The following PTPN22 variants were observed in gnomAD, a reference collection of about 807,000 sequenced individuals.
PTPN22 encodes the protein tyrosine-protein phosphatase non-receptor type 22.
A neutral mutation model predicts 103.3 loss-of-function variants in PTPN22; 85 were observed. The ratio of observed to expected loss-of-function variants is 0.82; its 90% CI spans 0.69 to 0.99. The LOEUF is 0.99. Among genes scored for constraint, PTPN22 ranks in the 50% least tolerant of loss-of-function variants. PTPN22 has a pLI of 0.00. For synonymous variants in PTPN22, 323 were observed against 310.2 expected (o/e 1.04, Z -0.43); for missense variants, 865 against 936.9 (o/e 0.92, Z 1.00).
intron 1 of PTPN22, among the ~76,000 whole-genome samples, chr1:113,860,174 G>A (rs1214202943): frequency 3.9e-5 from 6 of 151,932 alleles, no homozygotes; most frequent in Non-Finnish European, 8.8e-5. Flanking sequence ...GTAGAGAAGG[G>A]ATTTCACCAT....
At chr1:113,837,012 C>T (rs903155993) in intron 13 of PTPN22, among the ~76,000 whole-genome samples, 2 of 152,164 alleles carry the variant, frequency 1.3e-5, no homozygotes, top group African/African-American at 4.8e-5. Flanking sequence ...AGCACTCCTG[C>T]TGGTACAGAT....
Position 113,825,134 on chromosome 1 carries a change from C to A in PTPN22, c.2281+8G>T. 3 of 1,485,704 alleles carry A rather than the reference C, an allele frequency of 2.0e-6. No homozygotes were observed. Among genetic ancestry groups the A allele is most frequent in the Admixed American group, 1.9e-5 (1 of 51,460 alleles). The allele number at this position is 1,485,704 out of a possible 1,614,324, so 92.0% of individuals were successfully genotyped here. On this transcript the variant is annotated splice_region_variant and intron_variant, in intron 19 of 20. Transcript: ENST00000359785. The stretch of plus-strand genomic sequence containing the variant: ...AAACGATATTTTTAAACATAAGTAC[C>A]AACTTACTCTTTTTCATGTTTCGCA...
chr1:113,870,331 C>T (rs1380959815), intron 1 of PTPN22, among the ~76,000 whole-genome samples: 1 of 152,138 alleles, frequency 6.6e-6, no homozygotes, highest in East Asian at 1.9e-4. Flanking sequence ...CAGGTTTGTA[C>T]TTCAGTTCCC....
intron 3 of PTPN22, 88 bp downstream of exon 3, chr1:113,858,914 C>T (rs1396009279): frequency 1.6e-5 from 24 of 1,515,858 alleles, no homozygotes; most frequent in Non-Finnish European, 1.7e-5. Flanking sequence ...GCTGGGATTA[C>T]AGGCATGAGC....
At chr1:113,860,460 T>A (rs1665475486) in intron 1 of PTPN22, among the ~76,000 whole-genome samples, 1 of 152,212 alleles carries the variant, frequency 6.6e-6, no homozygotes, top group Non-Finnish European at 1.5e-5. Flanking sequence ...GAGAGCCTAC[T>A]GTAGTTTGAA....
intron 1 of PTPN22, among the ~76,000 whole-genome samples, chr1:113,861,486 C>T (rs1220556855): frequency 6.6e-6 from 1 of 152,084 alleles, no homozygotes; most frequent in Non-Finnish European, 1.5e-5. Flanking sequence ...GTGATCTGCC[C>T]GCCTTGGCCT....
chr1:113,871,504 A>G, intron 1 of PTPN22, 33 bp downstream of exon 1: 1 of 1,576,850 alleles, frequency 6.3e-7, no homozygotes. Flanking sequence ...TAGTGTATGT[A>G]ACTACCCTGA....
In PTPN22 at chr1:113,837,700, AAC is replaced by A. The variant is rs773363455; in HGVS notation, c.1698_1699del (p.Leu567AlafsTer15). 1.2e-6 allele frequency: 2 copies of A among 1,606,528 alleles called. No homozygotes were observed. Among genetic ancestry groups the A allele is most frequent in the African/African-American group, 2.7e-5 (2 of 74,768 alleles). On this transcript the variant is annotated frameshift_variant, in exon 13 of 21. Transcript: ENST00000359785. LOFTEE classifies it high-confidence loss of function. ...GAAGAGGGATGTAGAGGATGTTGGC[AAC>A]AGAGAAGAAGGAAAAACAGTTCCAT...
At position 113,822,681 on chromosome 1, in the gene PTPN22, G is replaced by C. The variant is rs190596952; in HGVS notation, c.2281+2461C>G. Among the ~76,000 whole-genome samples, 338 of 152,270 alleles carry C rather than the reference G, an allele frequency of 2.2e-3. 12 individuals carry two copies. Among genetic ancestry groups the C allele is most frequent in the Admixed American group, 0.019 (297 of 15,286 alleles). On this transcript the variant is annotated intron_variant, in intron 19 of 20. Transcript: ENST00000359785. ...CACTTCCTTAAAAAGGGTTTCTTGGGCCGGGCACAGTGGCTCACAGCTGTA... is the reference window on the plus strand; with the variant it reads ...CACTTCCTTAAAAAGGGTTTCTTGGCCCGGGCACAGTGGCTCACAGCTGTA...
At chr1:113,819,021 C>T (rs892678241) in intron 20 of PTPN22, among the ~76,000 whole-genome samples, 8 of 152,106 alleles carry the variant, frequency 5.3e-5, no homozygotes, top group African/African-American at 1.9e-4. Flanking sequence ...GCTATTCTTA[C>T]AAAAAATTAT....
chr1:113,829,385 T>G (rs975092261), intron 18 of PTPN22, among the ~76,000 whole-genome samples: 4 of 152,168 alleles, frequency 2.6e-5, no homozygotes, highest in African/African-American at 9.7e-5. Flanking sequence ...AGGTATTTTT[T>G]CTGGTCCTCT....
At chr1:113,825,356 T>G (rs896729218) in intron 18 of PTPN22, among the ~76,000 whole-genome samples, 184 bp from the exon 19 acceptor site, 1 of 152,214 alleles carries the variant, frequency 6.6e-6, no homozygotes, top group Non-Finnish European at 1.5e-5. Context: ...TGATTTTATC[T>G]TGCTATTTAT....
chr1:113,824,030 GT>G (rs1399130749), intron 19 of PTPN22, among the ~76,000 whole-genome samples: 3 of 151,714 alleles, frequency 2.0e-5, no homozygotes, highest in Non-Finnish European at 4.4e-5. Context: ...TATAGTACCA[GT>G]TTAATGTCAA....
intron 7 of PTPN22, 147 bp downstream of exon 7, chr1:113,856,235 A>G (rs2102103290): frequency 1.7e-6 from 2 of 1,198,114 alleles, no homozygotes; most frequent in East Asian, 5.6e-5. Context: ...CCAGGCTCAA[A>G]GTTCTCTTGA....
rs1162058007 is a variant in PTPN22 at position 113,859,172 on chromosome 1, G to A, written c.197-94C>T. On this transcript the variant is annotated intron_variant, in intron 2 of 20. Coordinates refer to ENST00000359785, the Ensembl canonical transcript of PTPN22. ...CACTGTGAATAGTGTATGCTCATGAGTGAACAAGTGAGTGAATGAATGAAT... is the reference window on the plus strand; with the variant it reads ...CACTGTGAATAGTGTATGCTCATGAATGAACAAGTGAGTGAATGAATGAAT... 50 of 1,566,328 alleles carry A rather than the reference G, an allele frequency of 3.2e-5. No homozygotes were observed. The East Asian group carries it at 3.8e-4, about 12-fold the overall frequency.
chr1:113,821,531 C>A (rs1399373971), intron 19 of PTPN22, among the ~76,000 whole-genome samples: 2 of 152,100 alleles, frequency 1.3e-5, no homozygotes, highest in East Asian at 3.8e-4. Context: ...ACCATGTTGG[C>A]CAGGCTGGTC....
At chr1:113,863,653 T>C (rs112112001) in intron 1 of PTPN22, among the ~76,000 whole-genome samples, 205 of 152,308 alleles carry the variant, frequency 1.3e-3, no homozygotes, top group African/African-American at 4.7e-3. Flanking sequence ...CTGTAGGAAG[T>C]ACCTTGTTGA....
At chr1:113,856,294 C>T (rs1665061544) in intron 7 of PTPN22, 88 bp downstream of exon 7, 1 of 1,439,888 alleles carries the variant, frequency 6.9e-7, no homozygotes, top group Non-Finnish European at 9.1e-7. Context: ...TTCCCATTGT[C>T]TTATGCCCAG....
intron 7 of PTPN22, 66 bp from the exon 8 acceptor site, chr1:113,855,115 A>G (rs572982390): frequency 7.2e-5 from 101 of 1,394,022 alleles, no homozygotes; most frequent in Middle Eastern, 5.6e-4. Flanking sequence ...ATTGGGTATT[A>G]TGCTCACTAC....
Sources: allele counts gnomAD v4.1 joint callset (sites outside exome capture counted in the v4.1 genomes callset), GRCh38; gene constraint gnomAD v4.1.1; transcripts MANE v1.5; gene names NCBI Gene and HGNC (gene_info 2026-07-23, HGNC 2026-07-21).